Variants in NAA16 observed in about 807,000 individuals in gnomAD.
The protein encoded by NAA16 is NARG1-like protein.
In NAA16, 97 loss-of-function variants were observed where a neutral mutation model predicts 110.3. The ratio of observed to expected loss-of-function variants is 0.88; its 90% CI spans 0.75 to 1.04. The LOEUF is 1.04. NAA16 is among the 50% of genes least tolerant of loss of function. The pLI is 0.00. For missense variants in NAA16, 1,017 were observed against 1,005.1 expected, an observed-to-expected ratio of 1.01 and a Z score of -0.16; for synonymous variants, 372 against 330.6, an observed-to-expected ratio of 1.13 and a Z score of -1.36.
In NAA16 at chr13:41,311,316, A is replaced by C. The variant is rs2041545948; in HGVS notation, c.-213A>C. ...CGCCGCTGGCCAAAAAGCGGAGCCCAGGGGAAGCGTGTCCTGCTCAGACCG... is the reference window on the plus strand; with the variant it reads ...CGCCGCTGGCCAAAAAGCGGAGCCCCGGGGAAGCGTGTCCTGCTCAGACCG... On this transcript the variant is annotated 5_prime_UTR_variant, in exon 1 of 20. Transcript: ENST00000379406. 1 of 552,156 alleles carries C rather than the reference A, an allele frequency of 1.8e-6. No individual in the cohort carries two copies. Among genetic ancestry groups the C allele is most frequent in the Non-Finnish European group, 3.2e-6 (1 of 316,414 alleles). 34.2% of individuals were successfully genotyped at this position (552,156 alleles called of 1,614,324 possible). A position where few individuals can be genotyped will look rare whatever the true frequency, so the allele number is the denominator to read the frequency against.
At chr13:41,368,678 G>C (rs1409049100) in intron 14 of NAA16, among the ~76,000 whole-genome samples, 1 of 151,968 alleles carries the variant, frequency 6.6e-6, no homozygotes, top group Admixed American at 6.6e-5. Flanking sequence ...TTTTTAAATT[G>C]CATCTGTACT....
chr13:41,324,331 G>A (rs976815153), intron 5 of NAA16, among the ~76,000 whole-genome samples: 1 of 135,958 alleles, frequency 7.4e-6, no homozygotes, highest in Non-Finnish European at 1.6e-5. Context: ...CATTTTGATG[G>A]TTAGATTTAG....
chr13:41,343,237 C>T (rs574643260), intron 9 of NAA16, among the ~76,000 whole-genome samples: 3 of 145,020 alleles, frequency 2.1e-5, no homozygotes, highest in African/African-American at 5.1e-5. Flanking sequence ...CTTGAGTAGA[C>T]GCGTGCCACG....
intron 9 of NAA16, among the ~76,000 whole-genome samples, chr13:41,343,826 C>T (rs967763422): frequency 6.6e-6 from 1 of 152,120 alleles, no homozygotes; most frequent in Admixed American, 6.5e-5. Flanking sequence ...CAGGCGTGAG[C>T]CACTGCACCC....
At chr13:41,322,209 C>CT (rs887315860) in intron 4 of NAA16, among the ~76,000 whole-genome samples, 1 of 151,218 alleles carries the variant, frequency 6.6e-6, no homozygotes, top group Non-Finnish European at 1.5e-5. Context: ...TAGGGAGACT[C>CT]TGTCTCTAAA....
At chr13:41,319,174 G>A (rs1179458031) in intron 3 of NAA16, among the ~76,000 whole-genome samples, 3 of 152,090 alleles carry the variant, frequency 2.0e-5, no homozygotes, top group Admixed American at 2.0e-4. Context: ...TCTATAAAAT[G>A]TGCTTACTTC....
intron 1 of NAA16, among the ~76,000 whole-genome samples, chr13:41,315,660 TTG>T (rs149988979): frequency 7.2e-4 from 110 of 151,816 alleles, no homozygotes; most frequent in Non-Finnish European, 1.1e-3. Flanking sequence ...GTGGTAGTAT[TTG>T]TGTGTGTGTG....
At position 41,320,773 on chromosome 13, in the gene NAA16, G is replaced by A; in HGVS notation, c.351G>A (p.Leu117=). 1 of 1,613,180 alleles carries A rather than the reference G, an allele frequency of 6.2e-7. No individual in the cohort carries two copies. Among genetic ancestry groups the A allele is most frequent in the Non-Finnish European group, 8.5e-7 (1 of 1,179,798 alleles). Residue 117 remains leucine, a synonymous_variant, in exon 4 of 20, where the codon TTG becomes TTA. Coordinates refer to ENST00000379406, the MANE Select transcript of NAA16 (RefSeq NM_024561.5). ...TAGATAAAGATAACCTGCAAATTTT[G>A]AGGGATCTCTCACTGTTGCAGATCC... The part of the protein sequence containing the change: ...LKLDKDNLQI[L]RDLSLLQIQM...
chr13:41,320,482 A>G (rs150378101), intron 3 of NAA16, among the ~76,000 whole-genome samples, 185 bp from the exon 4 acceptor site: 3 of 152,146 alleles, frequency 2.0e-5, no homozygotes, highest in African/African-American at 7.2e-5. Context: ...CAATTTGACA[A>G]TTATCAACCC....
Position 41,374,761 on chromosome 13 carries a change from T to C in NAA16, c.2319T>C (p.Phe773=). 1 of 1,611,584 alleles carries C rather than the reference T, an allele frequency of 6.2e-7. No homozygotes were observed. The highest frequency in any genetic ancestry group is 8.5e-7 in the Non-Finnish European group (1 of 1,178,360). Residue 773 remains phenylalanine (F), a synonymous_variant, in exon 19 of 20, where the codon TTT becomes TTC. Coordinates refer to ENST00000379406, the MANE Select transcript of NAA16 (RefSeq NM_024561.5). ...TTTCAGGTGCTAAAATGATGTATTT[T>C]CTGGACAAGTCAAGGCAGGAGAAAG... is the stretch of plus-strand genomic sequence containing the variant. ...HLLSGAKMMY[F]LDKSRQEKAI...
chr13:41,318,761 T>C (rs1357550290), intron 2 of NAA16, 45 bp from the exon 3 acceptor site: 1 of 1,073,812 alleles, frequency 9.3e-7, no homozygotes, highest in Non-Finnish European at 1.3e-6. Context: ...AATAAGAGAA[T>C]AATTTTGTGT....
chr13:41,329,427 C>T (rs1188040077), intron 7 of NAA16, among the ~76,000 whole-genome samples: 1 of 151,222 alleles, frequency 6.6e-6, no homozygotes, highest in Admixed American at 6.6e-5. Flanking sequence ...TGTTAATATT[C>T]CTAAAATCAT....
At chr13:41,372,000 G>GA (rs1566303705) in intron 15 of NAA16, among the ~76,000 whole-genome samples, 1 of 151,806 alleles carries the variant, frequency 6.6e-6, no homozygotes, top group African/African-American at 2.4e-5. Flanking sequence ...TTTGTAACCA[G>GA]AAAAAAAGCT....
chr13:41,332,368 T>C (rs527974802), intron 8 of NAA16, among the ~76,000 whole-genome samples: 218 of 152,326 alleles, frequency 1.4e-3, no homozygotes, highest in African/African-American at 5.1e-3. Flanking sequence ...AAACAGCTTT[T>C]GTACTTTATA....
At chr13:41,311,819 C>T (rs1396623845) in intron 1 of NAA16, among the ~76,000 whole-genome samples, 2 of 152,238 alleles carry the variant, frequency 1.3e-5, no homozygotes, top group Non-Finnish European at 2.9e-5. Flanking sequence ...CTCACCCCCG[C>T]CGCGCTCTTT....
chr13:41,368,179 T>G (rs996258868), intron 14 of NAA16, among the ~76,000 whole-genome samples: 5 of 152,160 alleles, frequency 3.3e-5, no homozygotes, highest in African/African-American at 1.2e-4. Context: ...AGTTCCTACT[T>G]TATTAAAAAT....
intron 9 of NAA16, among the ~76,000 whole-genome samples, chr13:41,350,656 C>T (rs60085073): frequency 0.28 from 39,250 of 142,164 alleles, 6,517 homozygotes; most frequent in Non-Finnish European, 0.37. Flanking sequence ...GTTTCACTCC[C>T]GTTGCCCAGG....
chr13:41,357,921 T>C (rs1405096629), intron 10 of NAA16, among the ~76,000 whole-genome samples: 1 of 152,238 alleles, frequency 6.6e-6, no homozygotes, highest in East Asian at 1.9e-4. Flanking sequence ...TGGCAGTTCT[T>C]GCCTCTGCTG....
At chr13:41,321,769 TCTTA>T (rs10599417) in intron 4 of NAA16, among the ~76,000 whole-genome samples, 143,991 of 152,026 alleles carry the variant, frequency 0.95, 68,261 homozygotes, top group South Asian at 0.99. Flanking sequence ...CATGGAATTC[TCTTA>T]CTTACTTATG....
Sources: gnomAD v4.1 joint callset for allele counts (sites outside exome capture counted in the v4.1 genomes callset) on GRCh38, gnomAD v4.1.1 for gene constraint, MANE v1.5 for transcripts, NCBI Gene and HGNC (gene_info 2026-07-23, HGNC 2026-07-21) for gene names.